The following LTBP1 variants were observed in gnomAD, a reference collection of about 807,000 sequenced individuals.
The protein encoded by LTBP1 is latent-transforming growth factor beta-binding protein 1.
LTBP1 carries 129 observed loss-of-function variants against 207.6 expected under a neutral mutation model. The ratio of observed to expected loss-of-function variants is 0.62; its 90% CI spans 0.54 to 0.72. The LOEUF is 0.72. LTBP1 is among the 30% of genes least tolerant of loss of function. The pLI is 0.00. For missense variants in LTBP1, 2,281 were observed against 2,217.2 expected (o/e 1.03, Z -0.58); for synonymous variants, 963 against 833.7 (o/e 1.16, Z -2.67).
At chr2:33,133,838 C>G (rs1008525940) in intron 4 of LTBP1, among the ~76,000 whole-genome samples, 1 of 152,194 alleles carries the variant, frequency 6.6e-6, no homozygotes, top group Non-Finnish European at 1.5e-5. Flanking sequence ...AAAAACTGAA[C>G]TGAACTGGAC....
chr2:33,145,368 G>A (rs2082944392), intron 5 of LTBP1, among the ~76,000 whole-genome samples: 1 of 152,136 alleles, frequency 6.6e-6, no homozygotes, highest in Non-Finnish European at 1.5e-5. Context: ...GGATTATGGG[G>A]ACTTTATAAG....
intron 5 of LTBP1, among the ~76,000 whole-genome samples, chr2:33,139,739 G>A (rs193029820): frequency 8.9e-4 from 136 of 152,282 alleles, no homozygotes; most frequent in South Asian, 2.3e-3. Context: ...AAGCAAAGTT[G>A]ACATGGGAAA....
chr2:32,980,623 T>C (rs72791712), intron 2 of LTBP1, among the ~76,000 whole-genome samples: 16,599 of 152,196 alleles, frequency 0.11, 1,046 homozygotes, highest in Non-Finnish European at 0.14. Flanking sequence ...GTAGTTTACA[T>C]ACCACAATTA....
chr2:33,185,211 C>A (rs553561598), intron 5 of LTBP1, among the ~76,000 whole-genome samples: 1 of 152,242 alleles, frequency 6.6e-6, no homozygotes, highest in South Asian at 2.1e-4. Flanking sequence ...GATGAGATTG[C>A]AGAGGATCCC....
intron 5 of LTBP1, among the ~76,000 whole-genome samples, chr2:33,171,096 C>T (rs1357507263): frequency 9.7e-6 from 1 of 102,798 alleles, no homozygotes; most frequent in Non-Finnish European, 2.1e-5. Context: ...CTCTAAAAAG[C>T]AGAGCACCTC....
chr2:33,079,016 G>T (rs777485004), intron 3 of LTBP1, among the ~76,000 whole-genome samples: 1 of 151,540 alleles, frequency 6.6e-6, no homozygotes, highest in African/African-American at 2.4e-5. Flanking sequence ...ACACCACCAC[G>T]CCCAGCTAAT....
At chr2:32,962,917 T>G (rs570680791) in intron 2 of LTBP1, among the ~76,000 whole-genome samples, 1 of 152,376 alleles carries the variant, frequency 6.6e-6, no homozygotes, top group African/African-American at 2.4e-5. Context: ...GGGATCCTGA[T>G]ACAGCTGTGG....
At chr2:33,154,471 T>C (rs151071864) in intron 5 of LTBP1, among the ~76,000 whole-genome samples, 84 of 152,346 alleles carry the variant, frequency 5.5e-4, no homozygotes, top group African/African-American at 1.9e-3. Flanking sequence ...ATTTTATTTA[T>C]TGTATTGTAC....
intron 4 of LTBP1, among the ~76,000 whole-genome samples, chr2:33,116,996 CT>C (rs1408141165): frequency 1.3e-5 from 2 of 152,148 alleles, no homozygotes; most frequent in Non-Finnish European, 2.9e-5. Context: ...CTGTGCTGCC[CT>C]CTCTCAGTCT....
intron 1 of LTBP1, 118 bp downstream of exon 1, chr2:32,947,936 G>T: frequency 1.1e-6 from 1 of 888,480 alleles, no homozygotes; most frequent in Non-Finnish European, 1.5e-6. Flanking sequence ...CGCGCGGTGG[G>T]TCGGCTTTCT....
chr2:33,119,760 A>G (rs1006134733), intron 4 of LTBP1, among the ~76,000 whole-genome samples: 3 of 151,956 alleles, frequency 2.0e-5, no homozygotes, highest in African/African-American at 2.4e-5. Context: ...GGGTTTCACC[A>G]TATTAGCCAG....
At chr2:33,092,669 A>T (rs2150044199) in intron 3 of LTBP1, among the ~76,000 whole-genome samples, 1 of 152,322 alleles carries the variant, frequency 6.6e-6, no homozygotes, top group East Asian at 1.9e-4. Flanking sequence ...AGAGAACATC[A>T]GTAATTTATC....
At chr2:33,257,656 G>A (rs1380077757) in intron 12 of LTBP1, 145 bp downstream of exon 12, 2 of 652,928 alleles carry the variant, frequency 3.1e-6, no homozygotes, top group South Asian at 1.9e-5. Context: ...ATTGGGGGCT[G>A]CCCTGTGTAT....
At chr2:33,082,219 C>T (rs2078451410) in intron 3 of LTBP1, among the ~76,000 whole-genome samples, 1 of 152,084 alleles carries the variant, frequency 6.6e-6, no homozygotes, top group Non-Finnish European at 1.5e-5. Context: ...TGCTTTTCTG[C>T]CATGAGATTG....
At chr2:33,313,597 G>A (rs1016588700) in intron 23 of LTBP1, among the ~76,000 whole-genome samples, 7 of 152,184 alleles carry the variant, frequency 4.6e-5, no homozygotes, top group African/African-American at 7.2e-5. Context: ...GAGGGCCTAC[G>A]AGACTTGGGG....
intron 19 of LTBP1, among the ~76,000 whole-genome samples, chr2:33,285,137 G>T (rs1048024101): frequency 6.6e-6 from 1 of 150,608 alleles, no homozygotes; most frequent in Non-Finnish European, 1.5e-5. Flanking sequence ...CGCCTCCAGG[G>T]TTCAAGTGAT....
chr2:33,301,371 C>T (rs1056468014), intron 21 of LTBP1, 151 bp from the exon 22 acceptor site: 3 of 861,982 alleles, frequency 3.5e-6, no homozygotes, highest in Non-Finnish European at 5.1e-6. Context: ...AAAAAAGTCT[C>T]CTGAGATAGT....
At chr2:33,266,720 C>T (rs971550314) in intron 15 of LTBP1, among the ~76,000 whole-genome samples, 7 of 152,074 alleles carry the variant, frequency 4.6e-5, no homozygotes, top group African/African-American at 7.2e-5. Context: ...ATGACGTGCC[C>T]GCAGAAAGGA....
At chr2:33,137,431 A>G (rs1397128146) in intron 5 of LTBP1, among the ~76,000 whole-genome samples, 3 of 152,222 alleles carry the variant, frequency 2.0e-5, no homozygotes, top group African/African-American at 7.2e-5. Flanking sequence ...CAGATAGTAT[A>G]AAATATGTTT....
Sources: allele counts gnomAD v4.1 joint callset (sites outside exome capture counted in the v4.1 genomes callset), GRCh38; gene constraint gnomAD v4.1.1; transcripts MANE v1.5; gene names NCBI Gene and HGNC (gene_info 2026-07-23, HGNC 2026-07-21).